Variants in TEX15 observed in about 807,000 individuals in gnomAD.
The protein encoded by TEX15 is testis expressed 15, meiosis and synapsis associated.
In TEX15, 171 loss-of-function variants were observed where a neutral mutation model predicts 237.3. The ratio of observed to expected loss-of-function variants is 0.72; its 90% CI spans 0.64 to 0.82. The LOEUF is 0.82. TEX15 is among the 40% of genes least tolerant of loss of function. The pLI is 0.00. For synonymous variants in TEX15, 1,338 were observed against 1,269.8 expected (o/e 1.05, Z -1.14); for missense variants, 3,750 against 3,646.5 (o/e 1.03, Z -0.73).
chr8:30,877,004 C>A (rs1413258560), intron 3 of TEX15, among the ~76,000 whole-genome samples: 2 of 152,126 alleles, frequency 1.3e-5, no homozygotes, highest in African/African-American at 4.8e-5. Flanking sequence ...TTTGCTTACC[C>A]TTCTGCCATG....
In TEX15 at chr8:30,858,691, G is replaced by C. The variant is rs1456454097; in HGVS notation, c.827C>G (p.Ser276Ter). The C allele has an allele frequency of 6.5e-7, 1 of 1,534,918 alleles. No homozygotes were observed. Among genetic ancestry groups the C allele is most frequent in the Admixed American group, 2.0e-5 (1 of 50,834 alleles). ...GRLMTSLRFL[S>*]TGFPKRAERT... ...ACCAGCTCTCTTAGGAAATCCTGTT[G>C]AGAGGAATCTCAAAGATGTCATAAG... The change falls in exon 7 of 11, where the codon TCA becomes TGA. Residue 276 changes from serine (S) to a stop codon, truncating the protein, a stop_gained. Coordinates refer to ENST00000643185, the MANE Select transcript of TEX15 (RefSeq NM_001350162.2). LOFTEE classifies it high-confidence loss of function.
chr8:30,868,484 C>T (rs1291651214), intron 4 of TEX15, among the ~76,000 whole-genome samples: 4 of 151,900 alleles, frequency 2.6e-5, no homozygotes, highest in Admixed American at 6.6e-5. Context: ...CCACATGCTT[C>T]CGAGATTTAT....
chr8:30,898,279 G>T (rs1445643921), intron 2 of TEX15, among the ~76,000 whole-genome samples: 2 of 152,110 alleles, frequency 1.3e-5, no homozygotes, highest in African/African-American at 2.4e-5. Flanking sequence ...AAGAGGTGAG[G>T]CCTTTGGAGA....
intron 10 of TEX15, 83 bp downstream of exon 10, chr8:30,836,720 A>T: frequency 1.6e-6 from 2 of 1,229,210 alleles, no homozygotes; most frequent in Non-Finnish European, 2.3e-6. Flanking sequence ...CTAACTCATC[A>T]CTTACTGTGA....
intron 2 of TEX15, 46 bp from the exon 3 acceptor site, chr8:30,887,357 T>A: frequency 2.7e-6 from 4 of 1,457,716 alleles, no homozygotes; most frequent in Non-Finnish European, 3.6e-6. Context: ...AATAAATACA[T>A]AAAAGGCAAT....
At chr8:30,895,071 T>C (rs1808870779) in intron 2 of TEX15, among the ~76,000 whole-genome samples, 1 of 152,120 alleles carries the variant, frequency 6.6e-6, no homozygotes, top group African/African-American at 2.4e-5. Context: ...TACAGCAGCC[T>C]GAATGCACCA....
chr8:30,834,368 C>T (rs918992279), intron 10 of TEX15, among the ~76,000 whole-genome samples: 10 of 152,226 alleles, frequency 6.6e-5, no homozygotes, highest in Admixed American at 1.3e-4. Context: ...GATAGGGTTG[C>T]GCCATGTTGT....
At chr8:30,865,708 T>C (rs1295362957) in intron 5 of TEX15, among the ~76,000 whole-genome samples, 2 of 152,144 alleles carry the variant, frequency 1.3e-5, no homozygotes, top group Non-Finnish European at 2.9e-5. Flanking sequence ...AACCATATTA[T>C]CATTTCATTA....
At chr8:30,882,170 T>A (rs1808539538) in intron 3 of TEX15, among the ~76,000 whole-genome samples, 1 of 152,268 alleles carries the variant, frequency 6.6e-6, no homozygotes. Context: ...TTTCCCAGGC[T>A]GGTCTCAAAT....
chr8:30,906,459 A>C (rs907175506), intron 1 of TEX15, among the ~76,000 whole-genome samples: 1 of 151,922 alleles, frequency 6.6e-6, no homozygotes, highest in Admixed American at 6.6e-5. Flanking sequence ...GTGTGGTGGC[A>C]GGCACCTGTA....
chr8:30,906,237 A>G (rs1278490948), intron 1 of TEX15, among the ~76,000 whole-genome samples: 2 of 152,146 alleles, frequency 1.3e-5, no homozygotes, highest in East Asian at 3.9e-4. Flanking sequence ...ATTCTTCTTC[A>G]AATAGTTATA....
intron 2 of TEX15, among the ~76,000 whole-genome samples, chr8:30,889,954 C>CGTATATATATATATATATACGTATAT (rs767323464): frequency 1.8e-5 from 2 of 110,086 alleles, no homozygotes; most frequent in African/African-American, 8.9e-5. Context: ...TATATATATA[C>CGTATATATATATATATATACGTATAT]ATATATATAT....
Position 30,848,905 on chromosome 8 carries a change from C to T in TEX15, c.1262G>A (p.Gly421Asp). Reference protein sequence around the residue: ...NASFPLHNNTGSSTVTTSKSI... With the variant: ...NASFPLHNNTDSSTVTTSKSI... ...TTTTGAAGTAGTGACTGTGCTTGAG[C>T]CAGTATTGTTGTGAAGAGGAAAAGA... Residue 421 changes from glycine (G) to aspartate (D), a missense_variant, in exon 8 of 11, where the codon GGC (glycine) becomes GAC (aspartate). Coordinates refer to ENST00000643185, the MANE Select transcript of TEX15 (RefSeq NM_001350162.2). 2 of 1,614,072 alleles carry T rather than the reference C, an allele frequency of 1.2e-6. No individual in the cohort carries two copies. Among genetic ancestry groups the T allele is most frequent in the Non-Finnish European group, 8.5e-7 (1 of 1,180,006 alleles).
At chr8:30,891,018 T>C (rs1471727581) in intron 2 of TEX15, among the ~76,000 whole-genome samples, 1 of 152,258 alleles carries the variant, frequency 6.6e-6, no homozygotes, top group Non-Finnish European at 1.5e-5. Context: ...ATTTTGTTTC[T>C]ACATGAGGAA....
chr8:30,893,270 G>A (rs1808831681), intron 2 of TEX15, among the ~76,000 whole-genome samples: 1 of 152,204 alleles, frequency 6.6e-6, no homozygotes. Context: ...TTCAAAGCTA[G>A]GCAGTGTGGC....
intron 3 of TEX15, among the ~76,000 whole-genome samples, chr8:30,881,638 T>TTTTTTTTTTTTTA (rs1808528642): frequency 6.9e-6 from 1 of 144,654 alleles, no homozygotes; most frequent in Non-Finnish European, 1.5e-5. Flanking sequence ...TATTTTTTTT[T>TTTTTTTTTTTTTA]TTTGAGACAG....
intron 3 of TEX15, among the ~76,000 whole-genome samples, chr8:30,883,189 C>T (rs1447859084): frequency 6.6e-6 from 1 of 152,012 alleles, no homozygotes; most frequent in African/African-American, 2.4e-5. Context: ...TAGCTCACTG[C>T]AGCCTTGAAC....
chr8:30,892,220 C>T (rs184473775), intron 2 of TEX15, among the ~76,000 whole-genome samples: 33 of 152,262 alleles, frequency 2.2e-4, no homozygotes, highest in South Asian at 2.1e-3. Context: ...ATGTGAATAT[C>T]GAACTGCTAG....
intron 3 of TEX15, among the ~76,000 whole-genome samples, chr8:30,885,634 A>G (rs1808631625): frequency 6.6e-6 from 1 of 152,156 alleles, no homozygotes; most frequent in South Asian, 2.1e-4. Context: ...TGGCCAAGGT[A>G]TGGTCTATCT....
Sources: gnomAD v4.1 joint callset for allele counts (sites outside exome capture counted in the v4.1 genomes callset) on GRCh38, gnomAD v4.1.1 for gene constraint, MANE v1.5 for transcripts, NCBI Gene and HGNC (gene_info 2026-07-23, HGNC 2026-07-21) for gene names.